Variants in FAM114A2 observed in about 807,000 individuals in gnomAD.
FAM114A2 encodes the protein family with sequence similarity 114 member A2.
In FAM114A2, 53 loss-of-function variants were observed where a neutral mutation model predicts 58.4. The observed-to-expected ratio is 0.91, with a 90% CI of 0.73 to 1.14. The LOEUF (loss-of-function observed/expected upper bound fraction) is 1.14. FAM114A2 is among the 50% of genes most tolerant of loss of function. FAM114A2 has a pLI of 0.00. For missense variants in FAM114A2, 601 were observed against 581.1 expected (o/e 1.03, Z -0.35); for synonymous variants, 228 against 211.4 (o/e 1.08, Z -0.68).
chr5:154,027,339 A>G lies in FAM114A2; in HGVS notation c.631-5T>C, dbSNP rs773577665. On this transcript the variant is annotated splice_region_variant and splice_polypyrimidine_tract_variant and intron_variant, in intron 6 of 13. Coordinates refer to ENST00000351797, the MANE Select transcript of FAM114A2 (RefSeq NM_018691.4). Reference sequence around the variant, plus strand: ...CTCCTTCGCCTCTCGTAAAACCTAAAAAGAGATGGAGGCATTACACTGTAG... The same window carrying G: ...CTCCTTCGCCTCTCGTAAAACCTAAGAAGAGATGGAGGCATTACACTGTAG... 1.2e-5 allele frequency: 19 copies of G among 1,608,036 alleles called. No homozygotes were observed. Among genetic ancestry groups the G allele is most frequent in the Non-Finnish European group, 1.4e-5 (16 of 1,177,864 alleles).
chr5:154,030,435 A>C (rs982068181), intron 4 of FAM114A2, among the ~76,000 whole-genome samples: 1 of 152,218 alleles, frequency 6.6e-6, no homozygotes, highest in African/African-American at 2.4e-5. Flanking sequence ...CAACTGAAAA[A>C]CTGGACAATA....
Position 154,026,456 on chromosome 5 carries a change from G to A in FAM114A2, c.856C>T (p.Leu286Phe), listed in dbSNP as rs1771776737. Reference protein sequence around the residue: ...LETLKVELEQLKETFSLAEFC... With the variant: ...LETLKVELEQFKETFSLAEFC... ...TCTGCTAGAGAAAATGTTTCTTTGAGTTGCTCTAATTCAACTTTTAGAGTC... is the reference window on the plus strand; with the variant it reads ...TCTGCTAGAGAAAATGTTTCTTTGAATTGCTCTAATTCAACTTTTAGAGTC... The change falls in exon 8 of 14, where the codon CTC (leucine) becomes TTC (phenylalanine). Residue 286 changes from leucine (L) to phenylalanine (F), a missense_variant. Physicochemically the swap from Leu to Phe is conservative, Grantham distance 22. Coordinates refer to ENST00000351797, the MANE Select transcript of FAM114A2 (RefSeq NM_018691.4). 6.3e-7 allele frequency: 1 copy of A among 1,577,840 alleles called. No individual in the cohort carries two copies. Among genetic ancestry groups the A allele is most frequent in the Non-Finnish European group, 8.6e-7 (1 of 1,161,746 alleles).
At position 154,026,392 on chromosome 5, in the gene FAM114A2, A is replaced by G. The variant is rs780788799; in HGVS notation, c.913+7T>C. ...CTCTCCACTCAGATACTAAATTTTC[A>G]TATTACCTTTTTTCTCTTCTTCCTC... On this transcript the variant is annotated splice_region_variant and intron_variant, in intron 8 of 13. Transcript: ENST00000351797. 6 of 1,553,030 alleles carry G rather than the reference A, an allele frequency of 3.9e-6. No homozygotes were observed. Among genetic ancestry groups the G allele is most frequent in the South Asian group, 1.2e-5 (1 of 80,302 alleles).
At chr5:154,006,037 G>A (rs201591637) in intron 9 of FAM114A2, among the ~76,000 whole-genome samples, 1 of 152,142 alleles carries the variant, frequency 6.6e-6, no homozygotes, top group African/African-American at 2.4e-5. Context: ...GAACAATCTA[G>A]CTCTGATCTA....
rs1769232268 is a variant in FAM114A2, at chr5:153,991,170, C to A, written c.*1806G>T. On this transcript the variant is annotated 3_prime_UTR_variant, in exon 14 of 14. Coordinates refer to ENST00000351797, the MANE Select transcript of FAM114A2 (RefSeq NM_018691.4). ...TATGTGAGACCTAATCTAAAATTTG[C>A]CAAATTCAGGGCTGAAATCTGAATA... 1 of 151,988 alleles carries A rather than the reference C, an allele frequency of 6.6e-6. No homozygotes were observed. Among genetic ancestry groups the A allele is most frequent in the Admixed American group, 6.5e-5 (1 of 15,268 alleles). 9.4% of individuals were successfully genotyped at this position (151,988 alleles called of 1,614,324 possible).
chr5:154,033,948 C>A (rs2113506832), intron 3 of FAM114A2, 65 bp from the exon 4 acceptor site: 1 of 1,011,586 alleles, frequency 9.9e-7, no homozygotes, highest in Admixed American at 2.1e-5. Context: ...AAAAATCAAA[C>A]TTGAAGATTT....
intron 11 of FAM114A2, among the ~76,000 whole-genome samples, chr5:154,001,181 T>C (rs1414566282): frequency 2.6e-5 from 4 of 152,166 alleles, no homozygotes; most frequent in Admixed American, 2.6e-4. Context: ...TATATACACA[T>C]ACACACATAT....
intron 7 of FAM114A2, 63 bp downstream of exon 7, chr5:154,027,113 G>A: frequency 7.4e-7 from 1 of 1,355,370 alleles, no homozygotes; most frequent in Non-Finnish European, 1.0e-6. Flanking sequence ...AAAGAGAAAG[G>A]AAACCATGCA....
chr5:153,990,668 A>G lies in FAM114A2; in HGVS notation c.*2308T>C, dbSNP rs913782260. The stretch of plus-strand genomic sequence containing the variant: ...TTAATCACAGCCTTTTAAAATCTCA[A>G]TAGTAGGAAAAGACACATTTACCCT... On this transcript the variant is annotated 3_prime_UTR_variant, in exon 14 of 14. Transcript: ENST00000351797. 1 of 152,302 alleles carries G rather than the reference A, an allele frequency of 6.6e-6. No individual in the cohort carries two copies. Among genetic ancestry groups the G allele is most frequent in the East Asian group, 1.9e-4 (1 of 5,190 alleles). 9.4% of individuals were successfully genotyped at this position (152,302 alleles called of 1,614,324 possible). A position where few individuals can be genotyped will look rare whatever the true frequency, so the allele number is the denominator to read the frequency against.
chr5:153,994,967 T>C lies in FAM114A2; in HGVS notation c.1335A>G (p.Lys445=). 1 of 1,607,282 alleles carries C rather than the reference T, an allele frequency of 6.2e-7. No individual in the cohort carries two copies. The highest frequency in any genetic ancestry group is 8.5e-7 in the Non-Finnish European group (1 of 1,173,978). ...ATGGGTTAAGGACATCTGCCATTTC[T>C]TTGACCTGGAATAACGAATACATTT... The part of the protein sequence containing the change: ...FTTCLTTAGV[K]EMADVLNPLI... Residue 445 remains lysine (K), a synonymous_variant, in exon 13 of 14, where the codon AAA becomes AAG. Coordinates refer to ENST00000351797, the MANE Select transcript of FAM114A2 (RefSeq NM_018691.4).
chr5:154,024,884 TAAG>T lies in FAM114A2; in HGVS notation c.913+1512_913+1514del, dbSNP rs1036940389. Among the ~76,000 whole-genome samples, 6 of 152,268 alleles carry T rather than the reference TAAG, an allele frequency of 3.9e-5. No individual in the cohort carries two copies. In the South Asian group the frequency reaches 8.3e-4, roughly 21 times the overall value. ...ACAAATATGATCACCACCAATTTCA[TAAG>T]AAGAGTCTATAAGCACTGGGAAGCT... is the stretch of plus-strand genomic sequence containing the variant. On this transcript the variant is annotated intron_variant, in intron 8 of 13. Transcript: ENST00000351797.
intron 1 of FAM114A2, chr5:154,037,299 G>A (rs770620098): frequency 2.6e-5 from 4 of 152,088 alleles, no homozygotes; most frequent in Non-Finnish European, 5.9e-5. Context: ...AGAATATATG[G>A]GCATATAATA....
chr5:154,011,455 T>C (rs1770696133), intron 8 of FAM114A2, 135 bp from the exon 9 acceptor site: 6 of 610,988 alleles, frequency 9.8e-6, no homozygotes, highest in Non-Finnish European at 1.8e-5. Flanking sequence ...AGCAGTAATG[T>C]ACATGAGCAT....
At chr5:154,034,128 A>T (rs748771869) in intron 3 of FAM114A2, 150 bp downstream of exon 3, 2 of 625,858 alleles carry the variant, frequency 3.2e-6, no homozygotes, top group Non-Finnish European at 5.7e-6. Context: ...GTGGCAGTAT[A>T]TATCAGCCCA....
intron 12 of FAM114A2, among the ~76,000 whole-genome samples, chr5:153,995,989 C>A (rs1413539121): frequency 6.6e-6 from 1 of 152,086 alleles, no homozygotes; most frequent in African/African-American, 2.4e-5. Flanking sequence ...ATAAAAAATA[C>A]TGAAAACTTC....
intron 9 of FAM114A2, among the ~76,000 whole-genome samples, chr5:154,007,673 A>ATGAT (rs1770442808): frequency 2.0e-5 from 3 of 152,364 alleles, no homozygotes; most frequent in African/African-American, 7.2e-5. Context: ...TGTCTTTTTC[A>ATGAT]TGATTATTTC....
intron 9 of FAM114A2, among the ~76,000 whole-genome samples, chr5:154,003,476 G>T (rs554760664): frequency 6.6e-6 from 1 of 152,178 alleles, no homozygotes; most frequent in African/African-American, 2.4e-5. Context: ...ACTGCGCCCG[G>T]CCTCTAATCA....
chr5:154,023,830 T>C (rs972233289), intron 8 of FAM114A2, among the ~76,000 whole-genome samples: 3 of 152,070 alleles, frequency 2.0e-5, no homozygotes, highest in Non-Finnish European at 4.4e-5. Context: ...AAGATAACTA[T>C]GTAATTATAA....
chr5:154,020,317 ATAG>A (rs757923896), intron 8 of FAM114A2, among the ~76,000 whole-genome samples: 6 of 115,428 alleles, frequency 5.2e-5, no homozygotes, highest in Non-Finnish European at 1.1e-4. Flanking sequence ...ACTGAAGGAG[ATAG>A]AGACACAAAA....
Sources: gnomAD v4.1 joint callset for allele counts (sites outside exome capture counted in the v4.1 genomes callset) on GRCh38, gnomAD v4.1.1 for gene constraint, MANE v1.5 for transcripts, NCBI Gene and HGNC (gene_info 2026-07-23, HGNC 2026-07-21) for gene names.